The following PDZD8 variants were observed in gnomAD, a reference collection of about 807,000 sequenced individuals.
The protein encoded by PDZD8 is PDZ domain containing 8.
Under a neutral mutation model 85.8 loss-of-function variants are expected in PDZD8, and 14 were observed. The observed-to-expected ratio is 0.16, with a 90% CI of 0.11 to 0.26. The LOEUF (loss-of-function observed/expected upper bound fraction) is 0.26. Among genes scored for constraint, PDZD8 ranks in the 10% least tolerant of loss-of-function variants. The pLI, the probability that PDZD8 is intolerant of heterozygous loss-of-function variation, is 1.00. For missense variants in PDZD8, 1,197 were observed against 1,424.3 expected, an observed-to-expected ratio of 0.84 and a Z score of 2.57; for synonymous variants, 592 against 568.6, an observed-to-expected ratio of 1.04 and a Z score of -0.59.
At chr10:117,288,112 G>T (rs1373457943) in intron 4 of PDZD8, among the ~76,000 whole-genome samples, 7 of 152,064 alleles carry the variant, frequency 4.6e-5, no homozygotes, top group African/African-American at 1.7e-4. Flanking sequence ...TTTTCTTTTG[G>T]AATATTTCAA....
At position 117,374,689 on chromosome 10, in the gene PDZD8, T is replaced by C. The variant is rs568780450; in HGVS notation, c.539A>G (p.Glu180Gly). ...ATGEPDGPEGEALPAACPEEL... is the reference protein window; with the variant it reads ...ATGEPDGPEGGALPAACPEEL... ...CTCGGGGCAGGCGGCGGGCAGCGCC[T>C]CCCCTTCAGGGCCATCGGGCTCCCC... The change falls in exon 1 of 5, where the codon GAG becomes GGG. Residue 180 changes from glutamate to glycine, a missense_variant. By Grantham distance (98) the Glu-to-Gly change is moderately conservative. Transcript: ENST00000334464. The surrounding 1 kb of genome is among the most constrained non-coding windows in gnomAD (Gnocchi z 7.8). 7.5e-6 allele frequency: 12 copies of C among 1,597,842 alleles called. No individual in the cohort carries two copies. In the South Asian group the frequency reaches 1.2e-4, roughly 16 times the overall value.
intron 1 of PDZD8, among the ~76,000 whole-genome samples, chr10:117,360,181 A>G (rs1179942950): frequency 6.6e-6 from 1 of 152,216 alleles, no homozygotes; most frequent in Non-Finnish European, 1.5e-5. Context: ...AATAGAATTC[A>G]AAGAGCTGGT....
rs747661661 is a variant in PDZD8, at chr10:117,284,681, A to T, written c.2052T>A (p.Ile684=). ...DDRQTWESSE[I]LYRNKLGKWT... ...ATTTTCCTAGCTTATTACGATAAAGAATTTCTGATGATTCCCATGTTTGAC... is the reference window on the plus strand; with the variant it reads ...ATTTTCCTAGCTTATTACGATAAAGTATTTCTGATGATTCCCATGTTTGAC... The change falls in exon 5 of 5, where the codon ATT becomes ATA. Residue 684 remains isoleucine, a synonymous_variant. Transcript: ENST00000334464. The T allele has an allele frequency of 4.3e-6, 7 of 1,614,068 alleles. No homozygotes were observed. In the African/African-American group the frequency reaches 6.7e-5, roughly 15 times the overall value.
At chr10:117,334,372 G>A (rs1844479895) in intron 2 of PDZD8, among the ~76,000 whole-genome samples, 1 of 152,130 alleles carries the variant, frequency 6.6e-6, no homozygotes, top group Admixed American at 6.5e-5. Flanking sequence ...GCCAGATGTT[G>A]GTGTCACATG....
intron 3 of PDZD8, among the ~76,000 whole-genome samples, chr10:117,298,642 TTCTC>T (rs2133776728): frequency 6.6e-6 from 1 of 152,266 alleles, no homozygotes; most frequent in Non-Finnish European, 1.5e-5. Context: ...TCTTCCCTCT[TTCTC>T]TCCTCCTTAT....
At chr10:117,365,033 A>C (rs541032516) in intron 1 of PDZD8, among the ~76,000 whole-genome samples, 9 of 152,276 alleles carry the variant, frequency 5.9e-5, no homozygotes, top group African/African-American at 2.2e-4. Flanking sequence ...TTAGACCTCA[A>C]ACTTAACATG....
intron 3 of PDZD8, among the ~76,000 whole-genome samples, chr10:117,309,563 C>CA (rs1844000265): frequency 6.6e-6 from 1 of 151,924 alleles, no homozygotes; most frequent in Non-Finnish European, 1.5e-5. Context: ...TTGCTCACTC[C>CA]AAAAACCCTC....
chr10:117,372,726 C>T (rs1845215286), intron 1 of PDZD8, among the ~76,000 whole-genome samples: 1 of 152,162 alleles, frequency 6.6e-6, no homozygotes, highest in Non-Finnish European at 1.5e-5. Context: ...AGTGAACAAC[C>T]AGTTCACCAC....
intron 1 of PDZD8, among the ~76,000 whole-genome samples, chr10:117,370,887 T>TA (rs1047053365): frequency 5.3e-5 from 8 of 151,002 alleles, no homozygotes; most frequent in African/African-American, 2.0e-4. Context: ...GGCATGCTTT[T>TA]AAAAAATAAA....
At chr10:117,336,893 T>C (rs1024871113) in intron 2 of PDZD8, among the ~76,000 whole-genome samples, 2 of 144,248 alleles carry the variant, frequency 1.4e-5, no homozygotes, top group Non-Finnish European at 3.1e-5. Context: ...ATTTAAAACT[T>C]AAAAAAAAAA....
chr10:117,320,106 A>G (rs1405672037), intron 2 of PDZD8, among the ~76,000 whole-genome samples: 1 of 152,126 alleles, frequency 6.6e-6, no homozygotes, highest in East Asian at 1.9e-4. Context: ...TAAGCTCTAA[A>G]CAATTCTTAA....
chr10:117,285,182 T>C lies in PDZD8; in HGVS notation c.1551A>G (p.Ser517=), dbSNP rs778850329. 2.5e-6 allele frequency: 4 copies of C among 1,614,222 alleles called. No homozygotes were observed. Among genetic ancestry groups the C allele is most frequent in the Admixed American group, 3.3e-5 (2 of 60,020 alleles). Residue 517 remains serine (S), a synonymous_variant, in exon 5 of 5, where the codon TCA becomes TCG. Coordinates refer to ENST00000334464, the MANE Select transcript of PDZD8 (RefSeq NM_173791.5). Reference sequence around the variant, plus strand: ...GAACACGTTTGGGACTATGACTTAATGATTGTGCCTCATCTTTGAACTCAT... The same window carrying C: ...GAACACGTTTGGGACTATGACTTAACGATTGTGCCTCATCTTTGAACTCAT... ...AQNEFKDEAQ[S]LSHSPKRVPT...
chr10:117,344,142 A>G (rs1844664042), intron 1 of PDZD8, among the ~76,000 whole-genome samples: 1 of 152,244 alleles, frequency 6.6e-6, no homozygotes, highest in African/African-American at 2.4e-5. Context: ...CAAACTAGGA[A>G]GATCGACTTT....
chr10:117,318,306 C>T (rs1048439666), intron 3 of PDZD8, among the ~76,000 whole-genome samples: 2 of 152,112 alleles, frequency 1.3e-5, no homozygotes, highest in African/African-American at 2.4e-5. Context: ...TTCTTCATAG[C>T]ACCTGTGAAT....
Position 117,283,331 on chromosome 10 carries a change from T to C in PDZD8, c.3402A>G (p.Leu1134=), listed in dbSNP as rs148191940. The C allele has an allele frequency of 1.2e-6, 2 of 1,614,086 alleles. No homozygotes were observed. The highest frequency in any genetic ancestry group is 1.1e-5 in the South Asian group (1 of 91,072). The part of the protein sequence containing the change: ...EEDLDNEISQ[L]IDSQPFSSIS... ...TGCTGCTGAATGGCTGAGAGTCTAT[T>C]AGTTGGCTTATTTCATTATCAAGGT... Residue 1134 remains leucine (L), a synonymous_variant, in exon 5 of 5, where the codon CTA becomes CTG. Transcript: ENST00000334464.
At chr10:117,313,777 C>A (rs1844078143) in intron 3 of PDZD8, among the ~76,000 whole-genome samples, 1 of 152,120 alleles carries the variant, frequency 6.6e-6, no homozygotes, top group South Asian at 2.1e-4. Flanking sequence ...CTAAGTCTTT[C>A]CTGAATTCAA....
At chr10:117,292,933 TG>T (rs1434062774) in intron 3 of PDZD8, among the ~76,000 whole-genome samples, 1 of 152,050 alleles carries the variant, frequency 6.6e-6, no homozygotes, top group East Asian at 1.9e-4. Context: ...AGCTGGTTTT[TG>T]TTTCCTTTTA....
rs1341208396 is a variant in PDZD8, at chr10:117,285,209, T to C, written c.1524A>G (p.Gln508=). 2 of 1,614,252 alleles carry C rather than the reference T, an allele frequency of 1.2e-6. No individual in the cohort carries two copies. Among genetic ancestry groups the C allele is most frequent in the Admixed American group, 3.3e-5 (2 of 60,036 alleles). The change falls in exon 5 of 5, where the codon CAA becomes CAG. Residue 508 remains glutamine, a synonymous_variant. Coordinates refer to ENST00000334464, the MANE Select transcript of PDZD8 (RefSeq NM_173791.5). The stretch of plus-strand genomic sequence containing the variant: ...ATTGTGCCTCATCTTTGAACTCATT[T>C]TGTGCTCTGACATCACTTGCCAAGT... ...FEDLASDVRA[Q]NEFKDEAQSL... is the part of the protein sequence containing the mutation.
intron 1 of PDZD8, among the ~76,000 whole-genome samples, chr10:117,356,467 T>G (rs1220985623): frequency 2.6e-5 from 4 of 152,216 alleles, no homozygotes; most frequent in African/African-American, 9.6e-5. Flanking sequence ...TCGTTTCATT[T>G]TACTGATGAG....
Sources: gnomAD v4.1 joint callset for allele counts (sites outside exome capture counted in the v4.1 genomes callset) on GRCh38, gnomAD v4.1.1 for gene constraint, Gnocchi (gnomAD v3.1) non-coding constraint, MANE v1.5 for transcripts, NCBI Gene and HGNC (gene_info 2026-07-23, HGNC 2026-07-21) for gene names.